The following SLC24A4 variants were observed in gnomAD, a reference collection of about 807,000 sequenced individuals.
SLC24A4 encodes sodium/potassium/calcium exchanger 4.
Under a neutral mutation model 79.0 loss-of-function variants are expected in SLC24A4, and 53 were observed. The ratio of observed to expected loss-of-function variants is 0.67; its 90% confidence interval spans 0.54 to 0.84. The LOEUF is 0.84. Among genes scored for constraint, SLC24A4 ranks in the 40% least tolerant of loss-of-function variants. SLC24A4 has a pLI of 0.00. For missense variants in SLC24A4, 731 were observed against 822.0 expected (o/e 0.89, Z 1.35); for synonymous variants, 323 against 323.8 (o/e 1.00, Z 0.03).
chr14:92,336,731 G>C (rs1885826081), intron 2 of SLC24A4, among the ~76,000 whole-genome samples: 1 of 152,154 alleles, frequency 6.6e-6, no homozygotes, highest in African/African-American at 2.4e-5. Context: ...ACCACGGTGG[G>C]GGATCTTCCT....
chr14:92,450,373 C>G (rs1395276531), intron 10 of SLC24A4: 1 of 132,410 alleles, frequency 7.6e-6, no homozygotes, highest in Non-Finnish European at 1.7e-5. Flanking sequence ...AGGTAACCCC[C>G]AAGAGGGAGG....
At chr14:92,403,119 C>T (rs528662894) in intron 2 of SLC24A4, among the ~76,000 whole-genome samples, 3 of 152,126 alleles carry the variant, frequency 2.0e-5, no homozygotes, top group Non-Finnish European at 4.4e-5. Context: ...GACACACCTG[C>T]TTCTGAAGCA....
At chr14:92,459,525 T>A (rs958504469) in intron 12 of SLC24A4, among the ~76,000 whole-genome samples, 3 of 152,106 alleles carry the variant, frequency 2.0e-5, no homozygotes, top group Non-Finnish European at 2.9e-5. Context: ...CTGGGCTCAG[T>A]GCATGCCTGA....
intron 2 of SLC24A4, among the ~76,000 whole-genome samples, chr14:92,383,314 C>G (rs900623031): frequency 6.6e-6 from 1 of 152,110 alleles, no homozygotes; most frequent in Non-Finnish European, 1.5e-5. Context: ...CTGTGTGGAC[C>G]CTGGAGGGGG....
chr14:92,340,878 G>A (rs992963897), intron 2 of SLC24A4, among the ~76,000 whole-genome samples: 2 of 152,208 alleles, frequency 1.3e-5, no homozygotes, highest in Non-Finnish European at 2.9e-5. Context: ...AGATGCATTT[G>A]TTCTAAGCAA....
intron 12 of SLC24A4, among the ~76,000 whole-genome samples, chr14:92,463,274 AAGCTC>A (rs1210186797): frequency 6.6e-6 from 1 of 152,044 alleles, no homozygotes; most frequent in African/African-American, 2.4e-5. Context: ...TGGTCCTTTT[AAGCTC>A]AGAAGGCGGC....
chr14:92,491,476 C>G (rs1225735049), intron 14 of SLC24A4, among the ~76,000 whole-genome samples, 189 bp from the exon 15 acceptor site: 1 of 152,158 alleles, frequency 6.6e-6, no homozygotes, highest in African/African-American at 2.4e-5. Flanking sequence ...TCACAGTCAA[C>G]CCATAATAGT....
chr14:92,492,983 C>T (rs1895777035), intron 16 of SLC24A4: 1 of 361,930 alleles, frequency 2.8e-6, no homozygotes, highest in Non-Finnish European at 5.5e-6. Flanking sequence ...CACACACACA[C>T]ACACACACAC....
rs1332781111 is a variant in SLC24A4, at chr14:92,398,978, A to G, written c.242-34934A>G. ...CTCCAGTATTTGAGGATGATCAAGT[A>G]TCCTACTTCAGGGGGATTCTAGCGA... On this transcript the variant is annotated intron_variant, in intron 2 of 16. Coordinates refer to ENST00000532405, the MANE Select transcript of SLC24A4 (RefSeq NM_153646.4). The surrounding 1 kb of genome is among the most constrained non-coding windows in gnomAD (Gnocchi z 4.1). 1.3e-5 allele frequency among the ~76,000 whole-genome samples: 2 copies of G among 152,230 alleles called. No individual in the cohort carries two copies. Among genetic ancestry groups the G allele is most frequent in the Non-Finnish European group, 2.9e-5 (2 of 68,050 alleles).
intron 2 of SLC24A4, among the ~76,000 whole-genome samples, chr14:92,363,228 C>A (rs2141670543): frequency 6.6e-6 from 1 of 152,332 alleles, no homozygotes; most frequent in Non-Finnish European, 1.5e-5. Flanking sequence ...AGAGGTTACA[C>A]TTTTAGGACA....
At chr14:92,436,065 T>C (rs1486358289) in intron 3 of SLC24A4, among the ~76,000 whole-genome samples, 1 of 152,226 alleles carries the variant, frequency 6.6e-6, no homozygotes, top group Non-Finnish European at 1.5e-5. Flanking sequence ...GTTTGTTTGT[T>C]TTTTTAAATA....
At chr14:92,432,412 T>C (rs1030058142) in intron 2 of SLC24A4, among the ~76,000 whole-genome samples, 10 of 152,214 alleles carry the variant, frequency 6.6e-5, no homozygotes, top group African/African-American at 2.2e-4. Context: ...CAGTCAGCTC[T>C]CAAAACCCTG....
intron 2 of SLC24A4, among the ~76,000 whole-genome samples, chr14:92,329,007 G>C (rs770856501): frequency 1.3e-5 from 2 of 152,242 alleles, no homozygotes; most frequent in Non-Finnish European, 2.9e-5. Context: ...AGAGTTTCAG[G>C]GGTGTGACAG....
chr14:92,486,838 C>A, intron 14 of SLC24A4, 58 bp downstream of exon 14: 1 of 1,286,884 alleles, frequency 7.8e-7, no homozygotes, highest in East Asian at 2.5e-5. Flanking sequence ...TGTCCTCGTC[C>A]CTGCCTGACT....
rs969749704 is a variant in SLC24A4 at position 92,495,615 on chromosome 14, T to C, written c.*1987T>C. The stretch of plus-strand genomic sequence containing the variant: ...CCAGGTTCCAAAGTGCTTCTGTCTC[T>C]GTTTTGATTCTCCAAACTGCTCTGT... On this transcript the variant is annotated 3_prime_UTR_variant, in exon 17 of 17. Transcript: ENST00000532405. 1 of 152,258 alleles carries C rather than the reference T, an allele frequency of 6.6e-6. No individual in the cohort carries two copies. Among genetic ancestry groups the C allele is most frequent in the Non-Finnish European group, 1.5e-5 (1 of 68,056 alleles). The allele number at this position is 152,258 out of a possible 1,614,324, so 9.4% of individuals were successfully genotyped here.
chr14:92,403,696 C>G (rs1465517935), intron 2 of SLC24A4, among the ~76,000 whole-genome samples: 2 of 151,994 alleles, frequency 1.3e-5, no homozygotes, highest in South Asian at 2.1e-4. Flanking sequence ...GCCTTCCCCC[C>G]TTCTAGATAC....
At chr14:92,415,088 G>C (rs1484581825) in intron 2 of SLC24A4, among the ~76,000 whole-genome samples, 1 of 152,222 alleles carries the variant, frequency 6.6e-6, no homozygotes, top group Non-Finnish European at 1.5e-5. Context: ...GTGCTGGCAG[G>C]TGTTTGATGG....
At chr14:92,367,243 G>C (rs987396253) in intron 2 of SLC24A4, among the ~76,000 whole-genome samples, 1 of 152,222 alleles carries the variant, frequency 6.6e-6, no homozygotes, top group African/African-American at 2.4e-5. Flanking sequence ...TTCGAGGCTA[G>C]AGACCGGGGC....
intron 2 of SLC24A4, among the ~76,000 whole-genome samples, chr14:92,424,219 G>A (rs904660594): frequency 5.9e-5 from 9 of 152,262 alleles, no homozygotes; most frequent in East Asian, 1.9e-4. Flanking sequence ...ACTGAATTGT[G>A]TCTCTCTAAG....
Sources: allele counts gnomAD v4.1 joint callset (sites outside exome capture counted in the v4.1 genomes callset), GRCh38; gene constraint gnomAD v4.1.1; non-coding constraint Gnocchi (gnomAD v3.1); transcripts MANE v1.5; gene names NCBI Gene and HGNC (gene_info 2026-07-23, HGNC 2026-07-21).